Variants in PLCL1 observed in about 807,000 individuals in gnomAD.
The protein encoded by PLCL1 is phospholipase C like 1 (inactive).
Under a neutral mutation model 84.4 loss-of-function variants are expected in PLCL1, and 41 were observed. The observed-to-expected ratio is 0.49, with a 90% CI of 0.38 to 0.63. The LOEUF is 0.63. Ranked by LOEUF, PLCL1 falls within the 30% of genes least tolerant of loss-of-function variation. The pLI, the probability that PLCL1 is intolerant of heterozygous loss-of-function variation, is 0.00. For synonymous variants in PLCL1, 490 were observed against 488.3 expected, an observed-to-expected ratio of 1.00 and a Z score of -0.05; for missense variants, 1,206 against 1,367.8, an observed-to-expected ratio of 0.88 and a Z score of 1.87.
intron 1 of PLCL1, among the ~76,000 whole-genome samples, chr2:197,868,126 T>A (rs1687582696): frequency 6.6e-6 from 1 of 152,204 alleles, no homozygotes; most frequent in Non-Finnish European, 1.5e-5. Flanking sequence ...CTATTATAAC[T>A]GCTGGAAGTT....
At chr2:197,846,697 A>G (rs1687125487) in intron 1 of PLCL1, among the ~76,000 whole-genome samples, 1 of 152,152 alleles carries the variant, frequency 6.6e-6, no homozygotes, top group Non-Finnish European at 1.5e-5. Flanking sequence ...AGTAATTTAC[A>G]AAATAATTAT....
In PLCL1 at chr2:197,934,734, A is replaced by C. The variant is rs1689016091; in HGVS notation, c.240+129395A>C. ...TATATGTATATGTTGTGAAATGATT[A>C]AATCAAGCAAATTAACATATCAGTC... On this transcript the variant is annotated intron_variant, in intron 1 of 5. Coordinates refer to ENST00000428675, the MANE Select transcript of PLCL1 (RefSeq NM_006226.4). 2.0e-5 allele frequency among the ~76,000 whole-genome samples: 3 copies of C among 152,326 alleles called. No homozygotes were observed. In the South Asian group the frequency reaches 6.2e-4, roughly 32 times the overall value.
intron 1 of PLCL1, among the ~76,000 whole-genome samples, chr2:197,866,962 AAAGAAGG>A (rs1376474430): frequency 6.6e-6 from 1 of 152,194 alleles, no homozygotes; most frequent in African/African-American, 2.4e-5. Flanking sequence ...TCATAAAGCT[AAAGAAGG>A]ACCAGTAGGA....
chr2:198,084,346 G>A lies in PLCL1; in HGVS notation c.829G>A (p.Glu277Lys). ...LIKQLNPTLK[E>K]AKIRLKFKEI... The stretch of plus-strand genomic sequence containing the variant: ...AAAACAACTCAACCCTACTCTGAAG[G>A]AAGCCAAGATCAGGTTAAAGTTTAA... The change falls in exon 2 of 6, where the codon GAA becomes AAA. Residue 277 changes from glutamate to lysine, a missense_variant. Transcript: ENST00000428675. 1.2e-6 allele frequency: 2 copies of A among 1,614,090 alleles called. No individual in the cohort carries two copies. The highest frequency in any genetic ancestry group is 1.7e-6 in the Non-Finnish European group (2 of 1,179,974).
At chr2:198,087,483 T>C (rs1283508253) in intron 2 of PLCL1, among the ~76,000 whole-genome samples, 1 of 152,280 alleles carries the variant, frequency 6.6e-6, no homozygotes, top group Admixed American at 6.5e-5. Context: ...CTTTAGCTGA[T>C]GTGTTTATAA....
chr2:197,901,201 G>A (rs1688259716), intron 1 of PLCL1, among the ~76,000 whole-genome samples: 1 of 152,192 alleles, frequency 6.6e-6, no homozygotes. Context: ...TATATGAGGA[G>A]ACTTTTAATC....
intron 1 of PLCL1, among the ~76,000 whole-genome samples, chr2:198,056,669 G>GT (rs1033974873): frequency 2.0e-5 from 3 of 152,190 alleles, no homozygotes; most frequent in African/African-American, 7.2e-5. Flanking sequence ...CATAGTAGCT[G>GT]TTTTTTAACA....
chr2:197,944,667 G>A (rs762665725), intron 1 of PLCL1, among the ~76,000 whole-genome samples: 2 of 152,138 alleles, frequency 1.3e-5, no homozygotes, highest in Non-Finnish European at 2.9e-5. Flanking sequence ...CTTGCAAGCC[G>A]GTATAAGCCA....
At chr2:198,042,082 T>C (rs1235346340) in intron 1 of PLCL1, among the ~76,000 whole-genome samples, 1 of 152,212 alleles carries the variant, frequency 6.6e-6, no homozygotes, top group African/African-American at 2.4e-5. Flanking sequence ...GTGTTCTGGC[T>C]TCAAGCTGAA....
At chr2:197,854,041 T>C (rs1687288323) in intron 1 of PLCL1, among the ~76,000 whole-genome samples, 2 of 152,170 alleles carry the variant, frequency 1.3e-5, no homozygotes, top group Admixed American at 6.6e-5. Context: ...ATGCTGGGTC[T>C]GAGAATCTGA....
At chr2:197,816,428 T>C (rs1423534601) in intron 1 of PLCL1, among the ~76,000 whole-genome samples, 1 of 152,104 alleles carries the variant, frequency 6.6e-6, no homozygotes, top group Non-Finnish European at 1.5e-5. Flanking sequence ...AACAAAAAAA[T>C]TTGTGTGACT....
intron 5 of PLCL1, among the ~76,000 whole-genome samples, chr2:198,107,507 A>C (rs144017178): frequency 5.9e-5 from 9 of 152,068 alleles, no homozygotes; most frequent in Admixed American, 2.0e-4. Context: ...ATTAAATGAG[A>C]TAATACATAC....
intron 1 of PLCL1, among the ~76,000 whole-genome samples, chr2:198,027,341 A>G: frequency 6.6e-6 from 1 of 152,186 alleles, no homozygotes; most frequent in East Asian, 1.9e-4. Flanking sequence ...GGTGGTGGCT[A>G]GGAGCTGGGG....
intron 1 of PLCL1, among the ~76,000 whole-genome samples, chr2:197,970,397 T>C (rs999716738): frequency 6.6e-6 from 1 of 152,216 alleles, no homozygotes; most frequent in Non-Finnish European, 1.5e-5. Flanking sequence ...CTCTTAATAC[T>C]GTCACAATGG....
intron 1 of PLCL1, among the ~76,000 whole-genome samples, chr2:197,939,818 A>G (rs532222886): frequency 2.0e-4 from 31 of 151,624 alleles, no homozygotes; most frequent in Admixed American, 1.1e-3. Flanking sequence ...TCTTCCCCCA[A>G]GTGATTCTAA....
chr2:197,857,052 G>A (rs1687342095), intron 1 of PLCL1, among the ~76,000 whole-genome samples: 1 of 151,886 alleles, frequency 6.6e-6, no homozygotes, highest in African/African-American at 2.4e-5. Flanking sequence ...CTGGGTGATG[G>A]GATGATATGT....
At chr2:198,031,445 G>A (rs1039238277) in intron 1 of PLCL1, among the ~76,000 whole-genome samples, 2 of 151,710 alleles carry the variant, frequency 1.3e-5, no homozygotes, top group Non-Finnish European at 2.9e-5. Context: ...AAAATTAAAG[G>A]AAGGGGTGAG....
At chr2:197,965,131 A>G (rs764005984) in intron 1 of PLCL1, among the ~76,000 whole-genome samples, 87 of 152,242 alleles carry the variant, frequency 5.7e-4, no homozygotes, top group Admixed American at 1.2e-3. Flanking sequence ...GAGTAGGAGT[A>G]GTATTAGTTT....
chr2:198,018,926 C>T (rs1691064786), intron 1 of PLCL1, among the ~76,000 whole-genome samples: 1 of 152,218 alleles, frequency 6.6e-6, no homozygotes. Flanking sequence ...ACCCTTGTGC[C>T]TTCTGACGGG....
Sources: gnomAD v4.1 joint callset for allele counts (sites outside exome capture counted in the v4.1 genomes callset) on GRCh38, gnomAD v4.1.1 for gene constraint, MANE v1.5 for transcripts, NCBI Gene and HGNC (gene_info 2026-07-23, HGNC 2026-07-21) for gene names.